ZC3HAV1L: variants seen among roughly 807,000 people sequenced by gnomAD.
ZC3HAV1L encodes ZC3HAV1 like.
A neutral mutation model predicts 28.2 loss-of-function variants in ZC3HAV1L; 23 were observed. The ratio of observed to expected loss-of-function variants is 0.82; its 90% CI spans 0.59 to 1.16. The LOEUF is 1.16. Ranked by LOEUF, ZC3HAV1L falls within the 50% of genes most tolerant of loss-of-function variation. ZC3HAV1L has a pLI of 0.00. For synonymous variants in ZC3HAV1L, 180 were observed against 163.4 expected (o/e 1.10, Z -0.78); for missense variants, 376 against 387.7 (o/e 0.97, Z 0.25).
At chr7:139,034,230 G>T in intron 2 of ZC3HAV1L, 1 of 955,068 alleles carries the variant, frequency 1.0e-6, no homozygotes, top group Non-Finnish European at 1.2e-6. Flanking sequence ...TTCTGGCCAA[G>T]TGGAGGTGTC....
chr7:139,032,833 T>C (rs1409875814), intron 2 of ZC3HAV1L, among the ~76,000 whole-genome samples: 4 of 152,076 alleles, frequency 2.6e-5, no homozygotes, highest in Non-Finnish European at 5.9e-5. Flanking sequence ...AAACACCACA[T>C]TGTACACTGT....
chr7:139,029,295 C>T (rs1224623140), intron 2 of ZC3HAV1L, among the ~76,000 whole-genome samples: 2 of 152,170 alleles, frequency 1.3e-5, no homozygotes, highest in African/African-American at 2.4e-5. Context: ...TGAGCCACCA[C>T]ACCCGGCCAA....
downstream of ZC3HAV1L, among the ~76,000 whole-genome samples, chr7:139,024,631 A>G (rs1218724733): frequency 6.6e-6 from 1 of 152,224 alleles, no homozygotes; most frequent in Admixed American, 6.5e-5. Context: ...GCTCAACACA[A>G]GTGGCATGAC....
chr7:139,035,040 G>T, intron 1 of ZC3HAV1L: 1 of 985,418 alleles, frequency 1.0e-6, no homozygotes, highest in Middle Eastern at 5.2e-4. Context: ...CGCTTTGGCG[G>T]GGTGTGTGGC....
At chr7:139,025,449 CAA>C (rs11399688), downstream of ZC3HAV1L, among the ~76,000 whole-genome samples, 13 of 136,274 alleles carry the variant, frequency 9.5e-5, no homozygotes, top group Non-Finnish European at 9.5e-5. Flanking sequence ...ACTCTGTCTC[CAA>C]AAAAAAAAAA....
intron 2 of ZC3HAV1L, among the ~76,000 whole-genome samples, chr7:139,030,830 A>T (rs1815505919): frequency 2.0e-5 from 1 of 49,946 alleles, no homozygotes; most frequent in Non-Finnish European, 5.7e-5. Context: ...AAAAATAATA[A>T]TAATTAATTA....
intron 2 of ZC3HAV1L, among the ~76,000 whole-genome samples, chr7:139,032,573 A>T (rs1815566314): frequency 6.6e-6 from 1 of 151,598 alleles, no homozygotes; most frequent in Non-Finnish European, 1.5e-5. Flanking sequence ...CAGTGAGCCG[A>T]GACCTCACCA....
chr7:139,025,979 A>AG lies in ZC3HAV1L; in HGVS notation c.*564_*565insC. On this transcript the variant is annotated 3_prime_UTR_variant, in exon 5 of 5. Transcript: ENST00000275766. ...AAAATACCCTCTCTACAAAAAAAAA[A>AG]TACAAAAAATTAGCTGGTCGTGGTG... is the stretch of plus-strand genomic sequence containing the variant. 6.6e-6 allele frequency: 1 copy of AG among 152,056 alleles called. No individual in the cohort carries two copies. The highest frequency in any genetic ancestry group is 1.9e-4 in the East Asian group (1 of 5,170). The allele number at this position is 152,056 out of a possible 1,614,324, so 9.4% of individuals were successfully genotyped here.
chr7:139,026,894 G>C, intron 3 of ZC3HAV1L, 61 bp from the exon 4 acceptor site: 1 of 1,555,432 alleles, frequency 6.4e-7, no homozygotes, highest in Admixed American at 1.8e-5. Flanking sequence ...TACGTTGGGA[G>C]CAACAGCCCA....
rs1815688061 is a variant in ZC3HAV1L at position 139,035,689 on chromosome 7, C to G, written c.329G>C (p.Arg110Pro). The change falls in exon 1 of 5, where the codon CGG becomes CCG. Residue 110 changes from arginine to proline, a missense_variant. By Grantham distance (103) the Arg-to-Pro change is moderately radical. Coordinates refer to ENST00000275766, the MANE Select transcript of ZC3HAV1L (RefSeq NM_080660.4). Reference sequence around the variant, plus strand: ...GTTGGGGCACTTGCCCAGCATGTGCCGGCGGCAGAAGTGCAGCTGGTCGCA... The same window carrying G: ...GTTGGGGCACTTGCCCAGCATGTGCGGGCGGCAGAAGTGCAGCTGGTCGCA... Reference protein sequence around the residue: ...QACDQLHFCRRHMLGKCPNRD... With the variant: ...QACDQLHFCRPHMLGKCPNRD... The G allele has an allele frequency of 1.4e-5, 21 of 1,478,148 alleles. No individual in the cohort carries two copies. The highest frequency in any genetic ancestry group is 2.3e-4 in the Middle Eastern group (1 of 4,428). 91.6% of individuals were successfully genotyped at this position (1,478,148 alleles called of 1,614,324 possible). A position where few individuals can be genotyped will look rare whatever the true frequency, so the allele number is the denominator to read the frequency against.
At chr7:139,024,093 G>T (rs929792736), downstream of ZC3HAV1L, among the ~76,000 whole-genome samples, 2 of 152,172 alleles carry the variant, frequency 1.3e-5, no homozygotes, top group Non-Finnish European at 2.9e-5. Flanking sequence ...CATTGAATTT[G>T]TAGAGTCTAC....
In ZC3HAV1L at chr7:139,026,461, C is replaced by T. The variant is rs1815354358; in HGVS notation, c.*83G>A. ...GCACTCAATTTTAGCCTCTCTTTGC[C>T]TGTTCAATGTCCCACCCCATCCCCA... On this transcript the variant is annotated 3_prime_UTR_variant, in exon 5 of 5. Transcript: ENST00000275766. 6.3e-7 allele frequency: 1 copy of T among 1,583,796 alleles called. No homozygotes were observed. The highest frequency in any genetic ancestry group is 2.2e-5 in the East Asian group (1 of 44,606).
At chr7:139,030,844 A>AG (rs1238481391) in intron 2 of ZC3HAV1L, among the ~76,000 whole-genome samples, 1 of 150,676 alleles carries the variant, frequency 6.6e-6, no homozygotes, top group Admixed American at 6.6e-5. Flanking sequence ...TTAATTAATT[A>AG]ATTAATTAAT....
intron 1 of ZC3HAV1L, chr7:139,035,246 G>C (rs1343945208): frequency 5.1e-6 from 5 of 985,412 alleles, no homozygotes; most frequent in South Asian, 4.7e-5. Flanking sequence ...TGTGGATATG[G>C]GGGAGCAGCG....
At chr7:139,035,266 T>TA (rs1400372113) in intron 1 of ZC3HAV1L, 1 of 985,234 alleles carries the variant, frequency 1.0e-6, no homozygotes, top group African/African-American at 1.7e-5. Flanking sequence ...GATTTCCGGC[T>TA]AAAGGGTCCA....
chr7:139,034,059 T>C (rs1039170153), intron 2 of ZC3HAV1L: 1 of 984,298 alleles, frequency 1.0e-6, no homozygotes, highest in Middle Eastern at 5.2e-4. Flanking sequence ...TTCTGCTGCC[T>C]TGAGAGCAGC....
At chr7:139,023,704 G>C (rs1320725863), downstream of ZC3HAV1L, among the ~76,000 whole-genome samples, 2 of 152,194 alleles carry the variant, frequency 1.3e-5, no homozygotes, top group African/African-American at 4.8e-5. Flanking sequence ...TTCTATTAAA[G>C]ATTAAAACAG....
Position 139,033,190 on chromosome 7 carries a change from C to A in ZC3HAV1L, c.501+1353G>T, listed in dbSNP as rs536462846. On this transcript the variant is annotated intron_variant, in intron 2 of 4. Transcript: ENST00000275766. ...TTCCAGCCTGTGTGAGAGAGTAAGA[C>A]CCTGTCTCAAAAAAAAAAAAACTAT... Among the ~76,000 whole-genome samples the A allele has an allele frequency of 6.3e-5, 8 of 126,162 alleles. No homozygotes were observed. In the East Asian group the frequency reaches 1.4e-3, roughly 22 times the overall value. The allele number at this position is 126,162 out of a possible 152,430, so 82.8% of individuals were successfully genotyped here. A position where few individuals can be genotyped will look rare whatever the true frequency, so the allele number is the denominator to read the frequency against.
In ZC3HAV1L at chr7:139,035,881, G is replaced by A. The variant is rs1474636574; in HGVS notation, c.137C>T (p.Pro46Leu). The A allele has an allele frequency of 6.6e-7, 1 of 1,513,050 alleles. No homozygotes were observed. Among genetic ancestry groups the A allele is most frequent in the Non-Finnish European group, 8.8e-7 (1 of 1,138,362 alleles). 93.7% of individuals were successfully genotyped at this position (1,513,050 alleles called of 1,614,324 possible). ...CACCTCCTGCAGCAGGAAACGCTCG[G>A]GCCCGGCGCGCTGCAGCACGTCCCG... ...RLRDVLQRAG[P>L]ERFLLQEVET... The change falls in exon 1 of 5, where the codon CCC becomes CTC. Residue 46 changes from proline to leucine, a missense_variant. Coordinates refer to ENST00000275766, the MANE Select transcript of ZC3HAV1L (RefSeq NM_080660.4).
Sources: gnomAD v4.1 joint callset for allele counts (sites outside exome capture counted in the v4.1 genomes callset) on GRCh38, gnomAD v4.1.1 for gene constraint, MANE v1.5 for transcripts, NCBI Gene and HGNC (gene_info 2026-07-23, HGNC 2026-07-21) for gene names.